SPAG16: variants seen among roughly 807,000 people sequenced by gnomAD.
SPAG16 encodes sperm associated antigen 16, also known as sperm-associated antigen 16 protein.
SPAG16 carries 86 observed loss-of-function variants against 80.4 expected under a neutral mutation model. The ratio of observed to expected loss-of-function variants is 1.07; its 90% CI spans 0.90 to 1.28. The LOEUF is 1.28. Among genes scored for constraint, SPAG16 ranks in the 50% most tolerant of loss-of-function variants. SPAG16 has a pLI of 0.00. For synonymous variants in SPAG16, 294 were observed against 265.9 expected (o/e 1.11, Z -1.03); for missense variants, 870 against 765.3 (o/e 1.14, Z -1.61).
intron 10 of SPAG16, among the ~76,000 whole-genome samples, chr2:213,690,063 C>G (rs970752034): frequency 6.6e-6 from 1 of 152,126 alleles, no homozygotes; most frequent in African/African-American, 2.4e-5. Flanking sequence ...ATTTCTCCTT[C>G]AATCCATCAC....
intron 13 of SPAG16, among the ~76,000 whole-genome samples, chr2:214,025,487 G>A (rs1015144606): frequency 6.6e-6 from 1 of 151,486 alleles, no homozygotes; most frequent in African/African-American, 2.4e-5. Context: ...TGATGGCTTG[G>A]CTGTACTTCA....
chr2:213,786,543 A>C (rs923499287), intron 10 of SPAG16, among the ~76,000 whole-genome samples: 6 of 152,208 alleles, frequency 3.9e-5, no homozygotes, highest in Non-Finnish European at 7.4e-5. Context: ...CTATCATTTA[A>C]AATTTTGGAC....
intron 15 of SPAG16, among the ~76,000 whole-genome samples, chr2:214,267,323 G>T (rs1458539289): frequency 2.0e-5 from 3 of 151,764 alleles, no homozygotes; most frequent in Non-Finnish European, 3.0e-5. Context: ...ATAGGATAGA[G>T]AGCCCAGAAA....
At chr2:214,056,370 C>G (rs1185208366) in intron 13 of SPAG16, among the ~76,000 whole-genome samples, 1 of 151,594 alleles carries the variant, frequency 6.6e-6, no homozygotes, top group African/African-American at 2.4e-5. Context: ...CTTGGAGATA[C>G]TGCAGTTTCT....
intron 11 of SPAG16, among the ~76,000 whole-genome samples, chr2:213,883,117 T>C (rs2076414636): frequency 6.6e-6 from 1 of 152,230 alleles, no homozygotes; most frequent in Non-Finnish European, 1.5e-5. Flanking sequence ...ATTTGAGATC[T>C]CTCTAACTTC....
At chr2:213,719,605 C>A (rs2066421564) in intron 10 of SPAG16, among the ~76,000 whole-genome samples, 1 of 152,168 alleles carries the variant, frequency 6.6e-6, no homozygotes, top group African/African-American at 2.4e-5. Flanking sequence ...GCATTGGCAA[C>A]CAGCTCCGGT....
At chr2:214,382,554 G>A (rs1164150178) in intron 15 of SPAG16, among the ~76,000 whole-genome samples, 1 of 152,152 alleles carries the variant, frequency 6.6e-6, no homozygotes, top group African/African-American at 2.4e-5. Flanking sequence ...AGGAGGGTGT[G>A]CTTGAAAAGA....
intron 15 of SPAG16, among the ~76,000 whole-genome samples, chr2:214,331,994 T>G (rs1352785362): frequency 1.3e-5 from 2 of 152,154 alleles, no homozygotes; most frequent in Non-Finnish European, 2.9e-5. Context: ...GCTCATGCCT[T>G]TAATCCCAGC....
chr2:213,701,331 G>T (rs1473251403), intron 10 of SPAG16, among the ~76,000 whole-genome samples: 1 of 152,208 alleles, frequency 6.6e-6, no homozygotes, highest in African/African-American at 2.4e-5. Flanking sequence ...AAAATCATTT[G>T]AGTTCAAAAG....
At chr2:213,786,876 T>G (rs1224598123) in intron 10 of SPAG16, among the ~76,000 whole-genome samples, 1 of 152,136 alleles carries the variant, frequency 6.6e-6, no homozygotes, top group East Asian at 1.9e-4. Flanking sequence ...TATTGAGGAA[T>G]TTGCAATTAG....
At chr2:213,649,034 T>C (rs893716063) in intron 10 of SPAG16, among the ~76,000 whole-genome samples, 49 of 152,380 alleles carry the variant, frequency 3.2e-4, no homozygotes, top group African/African-American at 1.0e-3. Flanking sequence ...TAGAAGTATA[T>C]TAAATTCTCT....
At chr2:213,313,373 T>C in intron 4 of SPAG16, among the ~76,000 whole-genome samples, 1 of 151,922 alleles carries the variant, frequency 6.6e-6, no homozygotes, top group East Asian at 1.9e-4. Context: ...AAATTTACTT[T>C]GTATCATTTT....
chr2:213,900,301 C>A (rs2077167478), intron 11 of SPAG16, among the ~76,000 whole-genome samples: 1 of 151,990 alleles, frequency 6.6e-6, no homozygotes, highest in African/African-American at 2.4e-5. Flanking sequence ...TGGAAAAATC[C>A]TTTAGTTAAA....
chr2:213,566,857 A>G (rs1236963167), intron 10 of SPAG16, among the ~76,000 whole-genome samples: 2 of 152,202 alleles, frequency 1.3e-5, no homozygotes, highest in Non-Finnish European at 2.9e-5. Flanking sequence ...AATGGTACAC[A>G]CTGTTATATT....
At chr2:213,519,687 G>T (rs930716879) in intron 10 of SPAG16, among the ~76,000 whole-genome samples, 1 of 151,960 alleles carries the variant, frequency 6.6e-6, no homozygotes, top group Non-Finnish European at 1.5e-5. Context: ...GCCTAAGAAT[G>T]TTAACATTTA....
chr2:214,363,295 A>C (rs1187260622), intron 15 of SPAG16, among the ~76,000 whole-genome samples: 1 of 151,980 alleles, frequency 6.6e-6, no homozygotes, highest in Non-Finnish European at 1.5e-5. Context: ...CAAAAATAAA[A>C]GGGCTTCTCG....
intron 10 of SPAG16, among the ~76,000 whole-genome samples, chr2:213,815,967 C>G (rs906814215): frequency 2.6e-5 from 4 of 152,022 alleles, no homozygotes; most frequent in African/African-American, 9.7e-5. Flanking sequence ...AGCTCACATA[C>G]TCATTAAATA....
At chr2:213,773,683 A>C (rs1575099059) in intron 10 of SPAG16, among the ~76,000 whole-genome samples, 1 of 152,036 alleles carries the variant, frequency 6.6e-6, no homozygotes, top group African/African-American at 2.4e-5. Flanking sequence ...CCTCCTGAGT[A>C]GCTGGGATTA....
intron 9 of SPAG16, among the ~76,000 whole-genome samples, chr2:213,442,298 T>A (rs1385941635): frequency 1.3e-5 from 2 of 152,246 alleles, no homozygotes; most frequent in African/African-American, 4.8e-5. Context: ...GAGATTTATT[T>A]CGTGTTCATA....
Sources: allele counts gnomAD v4.1 joint callset (sites outside exome capture counted in the v4.1 genomes callset), GRCh38; gene constraint gnomAD v4.1.1; transcripts MANE v1.5; gene names NCBI Gene and HGNC (gene_info 2026-07-23, HGNC 2026-07-21).